Variants in TENM2 observed in about 807,000 individuals in gnomAD.
TENM2 encodes the protein teneurin transmembrane protein 2, also known as teneurin-2.
A neutral mutation model predicts 245.2 loss-of-function variants in TENM2; 52 were observed. That is an observed-to-expected ratio of 0.21 (90% CI 0.17 to 0.27). The LOEUF is 0.27. TENM2 is among the 10% of genes least tolerant of loss of function. The probability of loss-of-function intolerance (pLI) is 1.00; values close to 1 mark genes in which losing one functional copy is unlikely to be tolerated. For synonymous variants in TENM2, 1,363 were observed against 1,438.9 expected, an observed-to-expected ratio of 0.95 and a Z score of 1.19; for missense variants, 3,046 against 3,666.8, an observed-to-expected ratio of 0.83 and a Z score of 4.37.
At chr5:167,202,212 T>A in the TENM2 span, among the ~76,000 whole-genome samples, 1 of 152,186 alleles carries the variant, frequency 6.6e-6, no homozygotes, top group African/African-American at 2.4e-5. Context: ...TGGAGTCTTC[T>A]TAGATTCTTT....
intron 2 of TENM2, among the ~76,000 whole-genome samples, chr5:167,838,964 C>T (rs989482233): frequency 2.0e-5 from 3 of 152,148 alleles, no homozygotes; most frequent in Non-Finnish European, 4.4e-5. Flanking sequence ...TCTGGGCTTG[C>T]TGCTTTCTAG....
chr5:167,010,714 T>A, the TENM2 span, among the ~76,000 whole-genome samples: 1 of 152,230 alleles, frequency 6.6e-6, no homozygotes, highest in Non-Finnish European at 1.5e-5. Flanking sequence ...GAGTTCTATA[T>A]TTGTTTTAGA....
At chr5:167,027,093 T>C in the TENM2 span, among the ~76,000 whole-genome samples, 2 of 152,212 alleles carry the variant, frequency 1.3e-5, no homozygotes, top group African/African-American at 2.4e-5. Context: ...CAAGGACTTA[T>C]GGAAGAATTT....
intron 3 of TENM2, among the ~76,000 whole-genome samples, chr5:167,890,012 A>G (rs1374267125): frequency 1.3e-5 from 2 of 151,346 alleles, no homozygotes; most frequent in African/African-American, 4.8e-5. Flanking sequence ...AAAGGAAACC[A>G]TGGTGAAGAA....
At chr5:168,256,017 G>A (rs1581786626) in intron 27 of TENM2, among the ~76,000 whole-genome samples, 2 of 151,852 alleles carry the variant, frequency 1.3e-5, no homozygotes, top group African/African-American at 4.8e-5. Flanking sequence ...TGTTGGTCAG[G>A]CTGGTCTCGA....
the TENM2 span, among the ~76,000 whole-genome samples, chr5:167,233,308 G>C: frequency 1.3e-5 from 2 of 151,972 alleles, no homozygotes; most frequent in African/African-American, 4.8e-5. Flanking sequence ...CCATATCATT[G>C]TATGTGTAGC....
intron 2 of TENM2, among the ~76,000 whole-genome samples, chr5:167,445,369 A>AGAGAGAGAGAGAGAGAGTGAGTGTGAGT (rs35699708): frequency 2.0e-5 from 2 of 98,578 alleles, no homozygotes; most frequent in African/African-American, 1.0e-4. Flanking sequence ...AGAGAGAGAG[A>AGAGAGAGAGAGAGAGAGTGAGTGTGAGT]GTGTCAGGTG....
At chr5:167,184,511 T>C in the TENM2 span, among the ~76,000 whole-genome samples, 35 of 152,296 alleles carry the variant, frequency 2.3e-4, 1 homozygote, top group South Asian at 5.8e-3. Context: ...ACTATTTCAA[T>C]ATCATGTCAG....
At chr5:167,918,532 A>G (rs941741401) in intron 3 of TENM2, among the ~76,000 whole-genome samples, 1 of 152,216 alleles carries the variant, frequency 6.6e-6, no homozygotes, top group African/African-American at 2.4e-5. Context: ...TTGTCACCAT[A>G]AAGGCAGGAC....
At chr5:167,340,411 G>A (rs1458802292) in intron 1 of TENM2, among the ~76,000 whole-genome samples, 1 of 152,216 alleles carries the variant, frequency 6.6e-6, no homozygotes, top group Non-Finnish European at 1.5e-5. Context: ...AGTTCTGGAA[G>A]TCCAAGATCA....
chr5:167,435,907 T>C (rs1396727726), intron 2 of TENM2, among the ~76,000 whole-genome samples: 1 of 151,440 alleles, frequency 6.6e-6, no homozygotes, highest in Admixed American at 6.6e-5. Context: ...TAGAGATCTG[T>C]GGAACTTTGA....
chr5:167,639,525 G>A (rs1779422572), intron 2 of TENM2, among the ~76,000 whole-genome samples: 1 of 152,094 alleles, frequency 6.6e-6, no homozygotes, highest in Non-Finnish European at 1.5e-5. Flanking sequence ...TTCACAAAAA[G>A]GCCAAGCTGG....
intron 2 of TENM2, among the ~76,000 whole-genome samples, chr5:167,410,471 C>A (rs554294499): frequency 6.6e-6 from 1 of 151,744 alleles, no homozygotes; most frequent in Non-Finnish European, 1.5e-5. Context: ...GCATTCTCTG[C>A]AACTCATTTA....
intron 1 of TENM2, among the ~76,000 whole-genome samples, chr5:167,328,153 C>A (rs1386278529): frequency 7.1e-6 from 1 of 140,410 alleles, no homozygotes; most frequent in African/African-American, 2.7e-5. Flanking sequence ...AATCAGTTTT[C>A]TTATTTCTCT....
At chr5:168,195,888 C>A (rs60353035) in intron 15 of TENM2, among the ~76,000 whole-genome samples, 3,604 of 152,060 alleles carry the variant, frequency 0.024, 158 homozygotes, top group African/African-American at 0.082. Flanking sequence ...TGATTGGAAA[C>A]GTGTACCCGT....
intron 2 of TENM2, among the ~76,000 whole-genome samples, chr5:167,416,652 C>G (rs1422252958): frequency 1.3e-5 from 2 of 151,320 alleles, no homozygotes; most frequent in Non-Finnish European, 2.9e-5. Context: ...CTCAGTACAA[C>G]TATTATATGA....
the TENM2 span, among the ~76,000 whole-genome samples, chr5:167,207,114 G>C: frequency 1.3e-5 from 2 of 151,906 alleles, no homozygotes; most frequent in Admixed American, 6.6e-5. Flanking sequence ...CCGTGAGTTT[G>C]AGTGATTTCC....
intron 2 of TENM2, among the ~76,000 whole-genome samples, chr5:167,518,562 G>A (rs1416874156): frequency 1.3e-5 from 2 of 152,220 alleles, no homozygotes; most frequent in Middle Eastern, 3.4e-3. Context: ...ATGTTTTAAC[G>A]ACAGTGACTG....
At chr5:167,455,455 G>GTTT (rs10666572) in intron 2 of TENM2, among the ~76,000 whole-genome samples, 94,904 of 141,548 alleles carry the variant, frequency 0.67, 32,161 homozygotes, top group African/African-American at 0.71. Flanking sequence ...TGTATGTGTA[G>GTTT]TTTTTTTTTT....
Sources: gnomAD v4.1 joint callset for allele counts (sites outside exome capture counted in the v4.1 genomes callset) on GRCh38, gnomAD v4.1.1 for gene constraint, MANE v1.5 for transcripts, NCBI Gene and HGNC (gene_info 2026-07-23, HGNC 2026-07-21) for gene names.